CNTN5: variants seen among roughly 807,000 people sequenced by gnomAD.
CNTN5 encodes the protein contactin-5.
In CNTN5, 77 loss-of-function variants were observed where a neutral mutation model predicts 129.1. The observed-to-expected ratio is 0.60, with a 90% confidence interval of 0.50 to 0.72. CNTN5 has a LOEUF of 0.72. CNTN5 is among the 30% of genes least tolerant of loss of function. CNTN5 has a pLI of 0.00. For missense variants in CNTN5, 1,478 were observed against 1,328.8 expected (o/e 1.11, Z -1.75); for synonymous variants, 509 against 465.6 (o/e 1.09, Z -1.20).
intron 2 of CNTN5, among the ~76,000 whole-genome samples, chr11:99,528,084 A>G (rs1947555594): frequency 6.6e-6 from 1 of 152,244 alleles, no homozygotes; most frequent in South Asian, 2.1e-4. Flanking sequence ...AAGCTTTGCT[A>G]GAATGATGCT....
intron 6 of CNTN5, among the ~76,000 whole-genome samples, chr11:99,858,704 A>T (rs1387155882): frequency 1.5e-5 from 2 of 131,640 alleles, no homozygotes; most frequent in African/African-American, 5.3e-5. Context: ...ATGTTATAAA[A>T]ATATTTTAAT....
At chr11:100,124,135 C>T (rs1281083546) in intron 13 of CNTN5, among the ~76,000 whole-genome samples, 1 of 151,944 alleles carries the variant, frequency 6.6e-6, no homozygotes, top group Non-Finnish European at 1.5e-5. Context: ...GAGGGCAGTA[C>T]TGTTATTGTA....
chr11:99,720,900 A>G (rs951041862), intron 3 of CNTN5, among the ~76,000 whole-genome samples: 1 of 152,192 alleles, frequency 6.6e-6, no homozygotes, highest in Non-Finnish European at 1.5e-5. Flanking sequence ...CCCATTCACA[A>G]TTGCCACAAA....
chr11:99,362,205 G>A (rs527706052), intron 2 of CNTN5, among the ~76,000 whole-genome samples: 4 of 151,962 alleles, frequency 2.6e-5, no homozygotes, highest in Non-Finnish European at 5.9e-5. Context: ...ATCTCACTGT[G>A]GTTTTGATTT....
At chr11:99,929,407 C>T (rs1488544956) in intron 7 of CNTN5, among the ~76,000 whole-genome samples, 1 of 152,174 alleles carries the variant, frequency 6.6e-6, no homozygotes, top group African/African-American at 2.4e-5. Context: ...AGCAGTGCCC[C>T]ACTCTCCGTG....
intron 2 of CNTN5, among the ~76,000 whole-genome samples, chr11:99,514,759 C>T (rs913191903): frequency 4.6e-5 from 7 of 151,940 alleles, no homozygotes; most frequent in South Asian, 2.1e-4. Flanking sequence ...TATTGCACTG[C>T]GAAACCAAAA....
intron 9 of CNTN5, among the ~76,000 whole-genome samples, chr11:100,052,026 A>G (rs1445693498): frequency 6.6e-6 from 1 of 151,954 alleles, no homozygotes; most frequent in Non-Finnish European, 1.5e-5. Context: ...AAGAAATTAT[A>G]TAACGTGGCC....
intron 8 of CNTN5, among the ~76,000 whole-genome samples, chr11:99,961,876 C>G (rs1190926937): frequency 1.3e-5 from 2 of 152,074 alleles, no homozygotes; most frequent in African/African-American, 4.8e-5. Flanking sequence ...CAGTCATGAC[C>G]CCCACACACC....
chr11:99,119,113 A>G (rs1218797084), intron 1 of CNTN5, among the ~76,000 whole-genome samples: 1 of 152,150 alleles, frequency 6.6e-6, no homozygotes, highest in Non-Finnish European at 1.5e-5. Flanking sequence ...TAAATGAAAT[A>G]TCTTCTCCAT....
intron 2 of CNTN5, among the ~76,000 whole-genome samples, chr11:99,552,374 T>C (rs2135526444): frequency 6.6e-6 from 1 of 152,240 alleles, no homozygotes; most frequent in East Asian, 1.9e-4. Flanking sequence ...AAATCCTTGC[T>C]TCCATGGATA....
chr11:99,585,366 A>G (rs953332877), intron 3 of CNTN5, among the ~76,000 whole-genome samples: 2 of 152,116 alleles, frequency 1.3e-5, no homozygotes, highest in African/African-American at 4.8e-5. Context: ...CAAAACTACA[A>G]CTGGTTGAAT....
At chr11:100,284,485 T>C (rs894576877) in intron 18 of CNTN5, among the ~76,000 whole-genome samples, 3 of 152,212 alleles carry the variant, frequency 2.0e-5, no homozygotes, top group East Asian at 1.9e-4. Flanking sequence ...ATAATGTAAA[T>C]ACTTTCTCTA....
intron 3 of CNTN5, among the ~76,000 whole-genome samples, chr11:99,802,057 T>G (rs983372647): frequency 6.6e-6 from 1 of 152,214 alleles, no homozygotes; most frequent in Non-Finnish European, 1.5e-5. Flanking sequence ...TCCCACAATA[T>G]TATTGTTTTG....
intron 3 of CNTN5, among the ~76,000 whole-genome samples, chr11:99,721,914 G>A (rs2135032866): frequency 6.6e-6 from 1 of 152,246 alleles, no homozygotes; most frequent in South Asian, 2.1e-4. Flanking sequence ...TTAGATAAAT[G>A]CAAATCAAAA....
At chr11:100,190,555 T>A (rs889000744) in intron 13 of CNTN5, among the ~76,000 whole-genome samples, 2 of 152,058 alleles carry the variant, frequency 1.3e-5, no homozygotes, top group African/African-American at 4.8e-5. Context: ...AATGCAAACT[T>A]AGATATCATA....
chr11:99,999,720 C>T (rs1316122268), intron 8 of CNTN5, among the ~76,000 whole-genome samples: 1 of 151,994 alleles, frequency 6.6e-6, no homozygotes, highest in South Asian at 2.1e-4. Context: ...ATGTTTATTG[C>T]AGCACTATTC....
At chr11:99,534,667 T>TAA (rs1330582220) in intron 2 of CNTN5, among the ~76,000 whole-genome samples, 1 of 152,214 alleles carries the variant, frequency 6.6e-6, no homozygotes, top group Non-Finnish European at 1.5e-5. Flanking sequence ...TATTATTTTA[T>TAA]ATTGCTGTAC....
intron 13 of CNTN5, among the ~76,000 whole-genome samples, chr11:100,077,828 C>A (rs1157473100): frequency 1.3e-5 from 2 of 151,790 alleles, no homozygotes; most frequent in East Asian, 1.9e-4. Context: ...CAGAGCAAAA[C>A]CCTGTCTCAA....
chr11:99,846,903 C>A (rs1028242854), intron 6 of CNTN5, among the ~76,000 whole-genome samples: 1 of 152,092 alleles, frequency 6.6e-6, no homozygotes, highest in African/African-American at 2.4e-5. Flanking sequence ...ACCAAGATAG[C>A]AGCCTAAATA....
Sources: gnomAD v4.1 joint callset for allele counts (sites outside exome capture counted in the v4.1 genomes callset) on GRCh38, gnomAD v4.1.1 for gene constraint, MANE v1.5 for transcripts, NCBI Gene and HGNC (gene_info 2026-07-23, HGNC 2026-07-21) for gene names.